Variants in TDP2 observed in about 807,000 individuals in gnomAD.
TDP2 encodes the protein 5'-Tyr-DNA phosphodiesterase.
A neutral mutation model predicts 42.8 loss-of-function variants in TDP2; 38 were observed. The observed-to-expected ratio is 0.89, with a 90% CI of 0.68 to 1.16. The LOEUF (loss-of-function observed/expected upper bound fraction) is 1.16, where lower values mean the gene tolerates loss of function less well. TDP2 is among the 50% of genes most tolerant of loss of function. TDP2 has a pLI of 0.00. For synonymous variants in TDP2, 173 were observed against 150.6 expected, an observed-to-expected ratio of 1.15 and a Z score of -1.09; for missense variants, 439 against 439.3, an observed-to-expected ratio of 1.00 and a Z score of 0.01.
At position 24,666,859 on chromosome 6, in the gene TDP2, C is replaced by G. The variant is rs770844602; in HGVS notation, c.4G>C (p.Glu2Gln). 1.9e-6 allele frequency: 3 copies of G among 1,613,592 alleles called. No homozygotes were observed. The African/African-American group carries it at 4.0e-5, about 22-fold the overall frequency. Reference sequence around the variant, plus strand: ...CCGCCCTCCAGGCAACTCCCCAACTCCATCTTCCTGCCGCCTCTGCACCGC... The same window carrying G: ...CCGCCCTCCAGGCAACTCCCCAACTGCATCTTCCTGCCGCCTCTGCACCGC... M[E>Q]LGSCLEGGRE... The change falls in exon 1 of 7, where the codon GAG becomes CAG. Residue 2 changes from glutamate (E) to glutamine (Q), a missense_variant. Physicochemically the swap from Glu to Gln is conservative, Grantham distance 29. Coordinates refer to ENST00000378198, the MANE Select transcript of TDP2 (RefSeq NM_016614.3).
intron 4 of TDP2, among the ~76,000 whole-genome samples, chr6:24,657,174 G>T (rs771213892): frequency 7.2e-5 from 11 of 152,148 alleles, no homozygotes; most frequent in Non-Finnish European, 1.3e-4. Context: ...ACAACCAAAT[G>T]CAGGTTGAAA....
At chr6:24,654,693 C>G (rs576240381) in intron 4 of TDP2, among the ~76,000 whole-genome samples, 163 bp from the exon 5 acceptor site, 1 of 152,224 alleles carries the variant, frequency 6.6e-6, no homozygotes, top group South Asian at 2.1e-4. Flanking sequence ...CATGGCCAAA[C>G]AAGTCTACCT....
Position 24,651,268 on chromosome 6 carries a change from T to C in TDP2, c.808-199A>G, listed in dbSNP as rs528064022. Reference sequence around the variant, plus strand: ...AAAATATCAAGACAGCCAGAGGGGTTTGGAATTTGCCCCTTCTCTTCTGCC... The same window carrying C: ...AAAATATCAAGACAGCCAGAGGGGTCTGGAATTTGCCCCTTCTCTTCTGCC... On this transcript the variant is annotated intron_variant, in intron 6 of 6. Coordinates refer to ENST00000378198, the MANE Select transcript of TDP2 (RefSeq NM_016614.3). Among the ~76,000 whole-genome samples, 27 of 152,346 alleles carry C rather than the reference T, an allele frequency of 1.8e-4. No homozygotes were observed. In the East Asian group the frequency reaches 5.0e-3, roughly 28 times the overall value.
chr6:24,651,528 C>T (rs536524163), intron 6 of TDP2, among the ~76,000 whole-genome samples: 28 of 152,240 alleles, frequency 1.8e-4, no homozygotes, highest in African/African-American at 5.5e-4. Context: ...TGCTCATTCA[C>T]ACTCCAGGAT....
intron 4 of TDP2, 92 bp downstream of exon 4, chr6:24,657,720 C>T: frequency 3.5e-6 from 2 of 576,880 alleles, no homozygotes; most frequent in Non-Finnish European, 6.0e-6. Context: ...TGTGCTTTTT[C>T]CTCTCTATGT....
In TDP2 at chr6:24,655,621, G is replaced by T. The variant is rs1267550794; in HGVS notation, c.518-1091C>A. 8.5e-5 allele frequency among the ~76,000 whole-genome samples: 13 copies of T among 152,266 alleles called. No homozygotes were observed. The East Asian group carries it at 2.1e-3, about 25-fold the overall frequency. On this transcript the variant is annotated intron_variant, in intron 4 of 6. Coordinates refer to ENST00000378198, the MANE Select transcript of TDP2 (RefSeq NM_016614.3). ...AGAACTAAATTTTAGAGGCTCCAGA[G>T]TCACCAGCCACAGGGAGGGGCATGC...
In TDP2 at chr6:24,666,786, C is replaced by T. The variant is rs764713488; in HGVS notation, c.77G>A (p.Arg26Gln). 9.9e-6 allele frequency: 16 copies of T among 1,614,130 alleles called. No homozygotes were observed. The East Asian group carries it at 1.1e-4, about 11-fold the overall frequency. The change falls in exon 1 of 7, where the codon CGA becomes CAA. Residue 26 changes from arginine to glutamine, a missense_variant. Physicochemically the swap from Arg to Gln is conservative, Grantham distance 43. Coordinates refer to ENST00000378198, the MANE Select transcript of TDP2 (RefSeq NM_016614.3). ...EEGEPEVKKR[R>Q]LLCVEFASVA... ...CGAGGCAAACTCCACACACAGAAGTCGCCGCTTTTTCACCTCAGGCTCGCC... is the reference window on the plus strand; with the variant it reads ...CGAGGCAAACTCCACACACAGAAGTTGCCGCTTTTTCACCTCAGGCTCGCC...
chr6:24,659,735 G>GT (rs1778112492), intron 2 of TDP2, among the ~76,000 whole-genome samples: 2 of 152,176 alleles, frequency 1.3e-5, no homozygotes, highest in Admixed American at 1.3e-4. Flanking sequence ...TTTGAATGAT[G>GT]AAACCTAATG....
At chr6:24,651,118 C>G in intron 6 of TDP2, 49 bp from the exon 7 acceptor site, 1 of 1,233,808 alleles carries the variant, frequency 8.1e-7, no homozygotes, top group Non-Finnish European at 1.1e-6. Flanking sequence ...CTTTTGCCCA[C>G]TAACTTAAAA....
In TDP2 at chr6:24,656,062, C is replaced by T. The variant is rs557168684; in HGVS notation, c.518-1532G>A. On this transcript the variant is annotated intron_variant, in intron 4 of 6. Transcript: ENST00000378198. ...TCTAACATGACATGATGGATACTGACATAACATAATCAAAATAAACAAAAA... is the reference window on the plus strand; with the variant it reads ...TCTAACATGACATGATGGATACTGATATAACATAATCAAAATAAACAAAAA... Among the ~76,000 whole-genome samples, 88 of 152,102 alleles carry T rather than the reference C, an allele frequency of 5.8e-4. 2 individuals are homozygous for T. In the South Asian group the frequency reaches 0.013, roughly 23 times the overall value.
chr6:24,666,394 C>T, intron 2 of TDP2, 132 bp downstream of exon 2: 4 of 1,421,570 alleles, frequency 2.8e-6, no homozygotes, highest in Non-Finnish European at 3.9e-6. Context: ...AGCCCTGCTC[C>T]TCTGGCTACG....
At chr6:24,653,510 C>G (rs1246452246) in intron 5 of TDP2, among the ~76,000 whole-genome samples, 1 of 152,156 alleles carries the variant, frequency 6.6e-6, no homozygotes, top group Non-Finnish European at 1.5e-5. Flanking sequence ...TCCTACAAAG[C>G]CATAAGTCAT....
intron 2 of TDP2, chr6:24,665,996 T>C: frequency 7.5e-7 from 1 of 1,339,778 alleles, no homozygotes; most frequent in Non-Finnish European, 9.7e-7. Context: ...GGTTCTAAGT[T>C]ATGGAGCCAA....
chr6:24,656,448 G>A (rs891555448), intron 4 of TDP2, among the ~76,000 whole-genome samples: 2 of 151,852 alleles, frequency 1.3e-5, no homozygotes, highest in East Asian at 3.8e-4. Flanking sequence ...AAGGAGAGGC[G>A]AGGGGAATGG....
chr6:24,660,632 TAA>T (rs902958074), intron 2 of TDP2, among the ~76,000 whole-genome samples: 21 of 152,358 alleles, frequency 1.4e-4, no homozygotes, highest in Middle Eastern at 3.4e-3. Context: ...ATCATTGATA[TAA>T]GTTTTTCTTT....
rs1030708591 is a variant in TDP2, at chr6:24,654,217, A to T, written c.636+195T>A. ...AAACTCAAATATTCTTAAGAAAACA[A>T]TAGACTGAGAATTCTATCTGCATTT... On this transcript the variant is annotated intron_variant, in intron 5 of 6. Coordinates refer to ENST00000378198, the MANE Select transcript of TDP2 (RefSeq NM_016614.3). Among the ~76,000 whole-genome samples, 3 of 152,352 alleles carry T rather than the reference A, an allele frequency of 2.0e-5. No individual in the cohort carries two copies. The East Asian group carries it at 5.8e-4, about 29-fold the overall frequency.
chr6:24,657,723 C>G, intron 4 of TDP2, 89 bp downstream of exon 4: 1 of 622,574 alleles, frequency 1.6e-6, no homozygotes, highest in Non-Finnish European at 2.7e-6. Context: ...GCTTTTTCCT[C>G]TCTATGTCCC....
chr6:24,665,746 T>C (rs1778221061), intron 2 of TDP2, among the ~76,000 whole-genome samples: 2 of 152,122 alleles, frequency 1.3e-5, no homozygotes, highest in South Asian at 2.1e-4. Flanking sequence ...ACAGGGGTCA[T>C]GCAGGATGCT....
chr6:24,650,904 C>G lies in TDP2; in HGVS notation c.973G>C (p.Glu325Gln). ...CTTCGGGGAATAATGTGTCCCTCTT[C>G]TGCTGCTGCTCTGAAAAATATTCGA... ...FDRIFFRAAAEEGHIIPRSLD... is the reference protein window; with the variant it reads ...FDRIFFRAAAQEGHIIPRSLD... The change falls in exon 7 of 7, where the codon GAA becomes CAA. Residue 325 changes from glutamate to glutamine, a missense_variant. Physicochemically the swap from Glu to Gln is conservative, Grantham distance 29 (BLOSUM62 2). Transcript: ENST00000378198. 6.2e-7 allele frequency: 1 copy of G among 1,614,148 alleles called. No individual in the cohort carries two copies. Among genetic ancestry groups the G allele is most frequent in the Non-Finnish European group, 8.5e-7 (1 of 1,180,010 alleles).
Sources: allele counts gnomAD v4.1 joint callset (sites outside exome capture counted in the v4.1 genomes callset), GRCh38; gene constraint gnomAD v4.1.1; transcripts MANE v1.5; gene names NCBI Gene and HGNC (gene_info 2026-07-23, HGNC 2026-07-21).